Variants in GLS observed in about 807,000 individuals in gnomAD.
GLS encodes the protein glutaminase kidney isoform, mitochondrial.
GLS carries 36 observed loss-of-function variants against 86.7 expected under a neutral mutation model. The ratio of observed to expected loss-of-function variants is 0.42; its 90% CI spans 0.32 to 0.55. The LOEUF (loss-of-function observed/expected upper bound fraction) is 0.55. Among genes scored for constraint, GLS ranks in the 20% least tolerant of loss-of-function variants. The pLI, the probability that GLS is intolerant of heterozygous loss-of-function variation, is 0.17. For missense variants in GLS, 528 were observed against 833.4 expected (o/e 0.63, Z 4.51); for synonymous variants, 317 against 305.9 (o/e 1.04, Z -0.38).
intron 1 of GLS, among the ~76,000 whole-genome samples, chr2:190,893,627 C>G (rs1688635363): frequency 6.6e-6 from 1 of 152,090 alleles, no homozygotes; most frequent in Non-Finnish European, 1.5e-5. Flanking sequence ...GCTCTGTTAC[C>G]CACTCTGGAG....
Position 190,881,294 on chromosome 2 carries a change from G to C in GLS, c.210G>C (p.Arg70=). ...GCTGGCCGGCGGAGCCCCTCGCGCGGGGCCTGTCCAGCTCTCCTTCGGAGA... is the reference window on the plus strand; with the variant it reads ...GCTGGCCGGCGGAGCCCCTCGCGCGCGGCCTGTCCAGCTCTCCTTCGGAGA... ...GGGWPAEPLA[R]GLSSSPSEIL... The change falls in exon 1 of 18, where the codon CGG becomes CGC. Residue 70 remains arginine (R), a synonymous_variant. Coordinates refer to ENST00000320717, the MANE Select transcript of GLS (RefSeq NM_014905.5). 1 of 1,428,580 alleles carries C rather than the reference G, an allele frequency of 7.0e-7. No individual in the cohort carries two copies. Among genetic ancestry groups the C allele is most frequent in the African/African-American group, 1.5e-5 (1 of 67,298 alleles). The allele number at this position is 1,428,580 out of a possible 1,614,324, so 88.5% of individuals were successfully genotyped here. A position where few individuals can be genotyped will look rare whatever the true frequency, so the allele number is the denominator to read the frequency against.
At chr2:190,944,418 G>C (rs576488312) in intron 14 of GLS, among the ~76,000 whole-genome samples, 10 of 152,200 alleles carry the variant, frequency 6.6e-5, no homozygotes, top group African/African-American at 2.2e-4. Context: ...GTATAATAGT[G>C]GGAGAAGACC....
intron 4 of GLS, among the ~76,000 whole-genome samples, chr2:190,901,485 C>T (rs550357004): frequency 6.6e-6 from 1 of 152,046 alleles, no homozygotes; most frequent in Non-Finnish European, 1.5e-5. Flanking sequence ...TATAATTGCA[C>T]TGTTTGAAGT....
Position 190,881,383 on chromosome 2 carries a change from C to G in GLS, c.299C>G (p.Pro100Arg), listed in dbSNP as rs1176940619. Residue 100 changes from proline (P) to arginine (R), a missense_variant, in exon 1 of 18, where the codon CCG becomes CGG. Physicochemically the swap from Pro to Arg is moderately radical, Grantham distance 103. Around this residue, in one of 4 missense-constraint regions of GLS, gnomAD observed 224 missense variants for 187.9 expected, o/e 1.19. Coordinates refer to ENST00000320717, the MANE Select transcript of GLS (RefSeq NM_014905.5). ...CCCGGGGTGTCGCCACCCGCTGCCCCGGCGGCGCCCGGCCCCAAGGACGGC... is the reference window on the plus strand; with the variant it reads ...CCCGGGGTGTCGCCACCCGCTGCCCGGGCGGCGCCCGGCCCCAAGGACGGC... The part of the protein sequence containing the change: ...PQPGVSPPAA[P>R]AAPGPKDGPG... The G allele has an allele frequency of 1.3e-6, 2 of 1,540,994 alleles. No homozygotes were observed. The highest frequency in any genetic ancestry group is 2.0e-5 in the Admixed American group (1 of 50,610).
chr2:190,901,908 A>C (rs1184632706), intron 4 of GLS, 39 bp from the exon 5 acceptor site: 3 of 1,189,640 alleles, frequency 2.5e-6, no homozygotes, highest in Non-Finnish European at 3.8e-6. Flanking sequence ...TTATTTGTCA[A>C]TATTATATCT....
intron 5 of GLS, among the ~76,000 whole-genome samples, chr2:190,902,252 T>A (rs1451847066): frequency 6.6e-6 from 1 of 152,174 alleles, no homozygotes; most frequent in Non-Finnish European, 1.5e-5. Flanking sequence ...GTAGTCTTGT[T>A]TTTTGAGTAT....
At chr2:190,958,192 A>AT (rs1690908415) in intron 17 of GLS, among the ~76,000 whole-genome samples, 1 of 152,080 alleles carries the variant, frequency 6.6e-6, no homozygotes, top group South Asian at 2.1e-4. Context: ...GAATTTATCA[A>AT]TTTCTTCTAG....
chr2:190,942,204 C>G (rs1558991283), intron 14 of GLS, among the ~76,000 whole-genome samples: 1 of 150,408 alleles, frequency 6.6e-6, no homozygotes, highest in African/African-American at 2.4e-5. Flanking sequence ...CTCAGCCTCC[C>G]GAGTAGCTGG....
rs917320243 is a variant in GLS at position 190,953,820 on chromosome 2, A to G, written c.1712+194A>G. ...AATCTTGTCCTTTTCTGCCTCCTAT[A>G]AAAAAGACCATATCTCTGTTTCCCC... is the stretch of plus-strand genomic sequence containing the variant. On this transcript the variant is annotated intron_variant, in intron 15 of 17. Coordinates refer to ENST00000320717, the MANE Select transcript of GLS (RefSeq NM_014905.5). This position sits in a 1 kb window ranked among gnomAD's most constrained non-coding sequence, Gnocchi z 4.0. Among the ~76,000 whole-genome samples, 19 of 152,094 alleles carry G rather than the reference A, an allele frequency of 1.2e-4. No homozygotes were observed. The highest frequency in any genetic ancestry group is 4.6e-4 in the African/African-American group (19 of 41,428).
At chr2:190,942,067 C>CTTTT (rs3036653) in intron 14 of GLS, among the ~76,000 whole-genome samples, 445 of 38,030 alleles carry the variant, frequency 0.012, 142 homozygotes, top group Admixed American at 0.067. Flanking sequence ...ACTTTGAAGA[C>CTTTT]TTTTTTTTTT....
Position 190,913,384 on chromosome 2 carries a change from C to T in GLS, c.1038+3063C>T. Reference sequence around the variant, plus strand: ...ATATAGGTAAATACCTTTTTAAAAACAAATGTAATTTTATACTTAAAATGC... The same window carrying T: ...ATATAGGTAAATACCTTTTTAAAAATAAATGTAATTTTATACTTAAAATGC... On this transcript the variant is annotated intron_variant, in intron 7 of 17. Coordinates refer to ENST00000320717, the MANE Select transcript of GLS (RefSeq NM_014905.5). The surrounding 1 kb of genome is among the most constrained non-coding windows in gnomAD (Gnocchi z 6.1). The T allele has an allele frequency of 2.2e-5, 21 of 975,168 alleles. No homozygotes were observed. Among genetic ancestry groups the T allele is most frequent in the Non-Finnish European group, 2.6e-5 (20 of 771,090 alleles). 60.4% of individuals were successfully genotyped at this position (975,168 alleles called of 1,614,324 possible). A position where few individuals can be genotyped will look rare whatever the true frequency, so the allele number is the denominator to read the frequency against.
rs76881907 is a variant in GLS, at chr2:190,889,450, A to G, written c.387-5702A>G. On this transcript the variant is annotated intron_variant, in intron 1 of 17. Transcript: ENST00000320717. ...CCCATTCCGTTTTCATAGCTGTTTCATTTTTCCTTATGTGTGGCTGAAGTT... is the reference window on the plus strand; with the variant it reads ...CCCATTCCGTTTTCATAGCTGTTTCGTTTTTCCTTATGTGTGGCTGAAGTT... Among the ~76,000 whole-genome samples, 905 of 152,032 alleles carry G rather than the reference A, an allele frequency of 6.0e-3. 20 individuals carry two copies. Among genetic ancestry groups the G allele is most frequent in the East Asian group, 0.058 (303 of 5,180 alleles).
At position 190,962,941 on chromosome 2, in the gene GLS, G is replaced by A. The variant is rs775757418; in HGVS notation, c.1965G>A (p.Gly655=). Reference sequence around the variant, plus strand: ...CACCTCAAGGAGATTCTGACAACGGGAAGGAAAATCAAACCGTCCATAAGA... The same window carrying A: ...CACCTCAAGGAGATTCTGACAACGGAAAGGAAAATCAAACCGTCCATAAGA... ...QYTPQGDSDN[G]KENQTVHKNL... is the part of the protein sequence containing the mutation. Residue 655 remains glycine (G), a synonymous_variant, in exon 18 of 18, where the codon GGG becomes GGA. Transcript: ENST00000320717. The surrounding 1 kb of genome is among the most constrained non-coding windows in gnomAD (Gnocchi z 4.2). The A allele has an allele frequency of 2.5e-6, 4 of 1,610,654 alleles. No homozygotes were observed. The highest frequency in any genetic ancestry group is 3.4e-5 in the Admixed American group (2 of 59,026).
intron 7 of GLS, chr2:190,919,661 A>G (rs1689670344): frequency 1.2e-6 from 1 of 869,356 alleles, no homozygotes; most frequent in Non-Finnish European, 1.4e-6. Flanking sequence ...GACAACTGCA[A>G]CAGTTCAATG....
At chr2:190,904,760 A>C (rs1166662598) in intron 5 of GLS, among the ~76,000 whole-genome samples, 1 of 152,154 alleles carries the variant, frequency 6.6e-6, no homozygotes, top group Middle Eastern at 3.2e-3. Flanking sequence ...ATGCTATATC[A>C]TTGTATATAA....
In GLS at chr2:190,897,850, G is replaced by A. The variant is rs1688799290; in HGVS notation, c.605+2125G>A. 6.6e-6 allele frequency among the ~76,000 whole-genome samples: 1 copy of A among 152,130 alleles called. No individual in the cohort carries two copies. Among genetic ancestry groups the A allele is most frequent in the Non-Finnish European group, 1.5e-5 (1 of 68,012 alleles). Reference sequence around the variant, plus strand: ...GTTAATATTTTACCTAAAATACATTGTAGATTAATATTTTTAGACTTTTTC... The same window carrying A: ...GTTAATATTTTACCTAAAATACATTATAGATTAATATTTTTAGACTTTTTC... On this transcript the variant is annotated intron_variant, in intron 3 of 17. Coordinates refer to ENST00000320717, the MANE Select transcript of GLS (RefSeq NM_014905.5). The surrounding 1 kb of genome is among the most constrained non-coding windows in gnomAD (Gnocchi z 4.3).
chr2:190,923,175 G>GAGTT (rs1265441442), intron 9 of GLS, among the ~76,000 whole-genome samples: 19 of 152,148 alleles, frequency 1.2e-4, no homozygotes, highest in African/African-American at 3.4e-4. Context: ...ACTGATGTCA[G>GAGTT]AGTTATCTTT....
intron 9 of GLS, among the ~76,000 whole-genome samples, chr2:190,922,201 A>G (rs1689759425): frequency 6.6e-6 from 1 of 152,146 alleles, no homozygotes; most frequent in Admixed American, 6.5e-5. Context: ...CTTTATAAAA[A>G]CAGGCAGCAG....
intron 4 of GLS, among the ~76,000 whole-genome samples, chr2:190,901,332 AG>A (rs1245291123): frequency 1.3e-5 from 2 of 152,054 alleles, no homozygotes; most frequent in Non-Finnish European, 2.9e-5. Flanking sequence ...TGAGATCATA[AG>A]GAAAATATAT....
Sources: allele counts gnomAD v4.1 joint callset (sites outside exome capture counted in the v4.1 genomes callset), GRCh38; gene constraint gnomAD v4.1.1; regional missense constraint gnomAD v4.1.1; non-coding constraint Gnocchi (gnomAD v3.1); transcripts MANE v1.5; gene names NCBI Gene and HGNC (gene_info 2026-07-23, HGNC 2026-07-21).